Variants in PDE4B observed in about 807,000 individuals in gnomAD.
The protein encoded by PDE4B is phosphodiesterase 4B, also known as 3',5'-cyclic-AMP phosphodiesterase 4B.
A neutral mutation model predicts 82.2 loss-of-function variants in PDE4B; 20 were observed. The ratio of observed to expected loss-of-function variants is 0.24; its 90% confidence interval spans 0.17 to 0.35. The LOEUF (loss-of-function observed/expected upper bound fraction) is 0.35. Ranked by LOEUF, PDE4B falls within the 10% of genes least tolerant of loss-of-function variation. The pLI, the probability that PDE4B is intolerant of heterozygous loss-of-function variation, is 1.00. For synonymous variants in PDE4B, 320 were observed against 318.9 expected, an observed-to-expected ratio of 1.00 and a Z score of -0.04; for missense variants, 655 against 907.2, an observed-to-expected ratio of 0.72 and a Z score of 3.57.
chr1:66,215,064 G>T (rs1650348094), intron 3 of PDE4B, among the ~76,000 whole-genome samples: 1 of 152,064 alleles, frequency 6.6e-6, no homozygotes, highest in South Asian at 2.1e-4. Flanking sequence ...GACAGGTGAG[G>T]GAAAGTTTAG....
intron 1 of PDE4B, among the ~76,000 whole-genome samples, chr1:65,865,651 T>C (rs1454934303): frequency 6.6e-6 from 1 of 152,132 alleles, no homozygotes; most frequent in Non-Finnish European, 1.5e-5. Context: ...CCCTGGCTGT[T>C]TGCATTTCCC....
intron 1 of PDE4B, among the ~76,000 whole-genome samples, chr1:65,857,889 CTTT>C: frequency 6.9e-6 from 1 of 144,418 alleles, no homozygotes; most frequent in African/African-American, 2.5e-5. Context: ...ATCTTGACTC[CTTT>C]TTTTTTTTTT....
intron 1 of PDE4B, among the ~76,000 whole-genome samples, chr1:65,846,440 A>G (rs770064459): frequency 1.3e-5 from 2 of 152,240 alleles, no homozygotes; most frequent in Non-Finnish European, 2.9e-5. Context: ...ATGTTTGGAG[A>G]CAAAGAAATA....
At chr1:66,132,463 G>A (rs536382949) in intron 3 of PDE4B, among the ~76,000 whole-genome samples, 2 of 152,248 alleles carry the variant, frequency 1.3e-5, no homozygotes, top group East Asian at 1.9e-4. Context: ...TTCGTGCTCC[G>A]TATTTTGTGA....
At chr1:65,986,800 T>C (rs1345894749) in intron 3 of PDE4B, among the ~76,000 whole-genome samples, 3 of 152,112 alleles carry the variant, frequency 2.0e-5, no homozygotes, top group African/African-American at 7.2e-5. Context: ...AAACAAGTAA[T>C]TAATATTATA....
intron 3 of PDE4B, among the ~76,000 whole-genome samples, chr1:66,103,380 C>A (rs1422314423): frequency 6.6e-6 from 1 of 152,054 alleles, no homozygotes; most frequent in African/African-American, 2.4e-5. Context: ...CTTCAGATTT[C>A]TTTTTCTTAT....
chr1:66,319,738 G>T (rs748362950), intron 7 of PDE4B, among the ~76,000 whole-genome samples: 4 of 152,144 alleles, frequency 2.6e-5, no homozygotes, highest in Non-Finnish European at 5.9e-5. Context: ...TACCTCTCTC[G>T]AAAGGTAGAT....
intron 3 of PDE4B, among the ~76,000 whole-genome samples, chr1:66,231,382 C>T (rs185202851): frequency 3.6e-4 from 55 of 152,108 alleles, no homozygotes; most frequent in African/African-American, 1.2e-3. Context: ...TGTTTTGATT[C>T]AACTGAGTAA....
chr1:65,968,179 T>C (rs1425134463), intron 3 of PDE4B, among the ~76,000 whole-genome samples: 1 of 152,128 alleles, frequency 6.6e-6, no homozygotes, highest in Non-Finnish European at 1.5e-5. Flanking sequence ...CGCCAGCTCT[T>C]CTGTTAACTC....
At chr1:66,360,598 T>C (rs2102025323) in intron 9 of PDE4B, 1 of 152,338 alleles carries the variant, frequency 6.6e-6, no homozygotes, top group South Asian at 2.1e-4. Context: ...TGTCATTTAG[T>C]TCAATAAAGT....
intron 3 of PDE4B, among the ~76,000 whole-genome samples, chr1:65,924,186 T>TGCCTCA (rs1464611052): frequency 7.3e-6 from 1 of 136,814 alleles, no homozygotes; most frequent in African/African-American, 2.7e-5. Flanking sequence ...GCCATTCTCC[T>TGCCTCA]GCCTCAGCCT....
intron 3 of PDE4B, among the ~76,000 whole-genome samples, chr1:65,928,922 C>A (rs1444166011): frequency 6.6e-6 from 1 of 152,194 alleles, no homozygotes; most frequent in African/African-American, 2.4e-5. Flanking sequence ...ATGTAGTGGG[C>A]CCAAATTAAT....
chr1:66,286,405 A>C (rs149035596), intron 7 of PDE4B, among the ~76,000 whole-genome samples: 84 of 152,264 alleles, frequency 5.5e-4, no homozygotes, highest in Middle Eastern at 3.4e-3. Flanking sequence ...GCCTTGGCAG[A>C]TGCAGGACTA....
At chr1:66,119,340 A>C (rs1645661569) in intron 3 of PDE4B, among the ~76,000 whole-genome samples, 1 of 152,206 alleles carries the variant, frequency 6.6e-6, no homozygotes, top group Non-Finnish European at 1.5e-5. Flanking sequence ...CGTTACATTG[A>C]GTCTTGTAGA....
At chr1:66,267,763 C>T (rs1469626430) in intron 7 of PDE4B, among the ~76,000 whole-genome samples, 3 of 152,098 alleles carry the variant, frequency 2.0e-5, no homozygotes, top group African/African-American at 7.2e-5. Flanking sequence ...CCAATTACTA[C>T]GTAATTACGG....
chr1:65,829,250 A>AT (rs1434134388), intron 1 of PDE4B, among the ~76,000 whole-genome samples: 1 of 152,202 alleles, frequency 6.6e-6, no homozygotes, highest in African/African-American at 2.4e-5. Flanking sequence ...AATGGAGCAA[A>AT]TTATCCAAGA....
chr1:65,848,834 G>A (rs1019664534), intron 1 of PDE4B, among the ~76,000 whole-genome samples: 1 of 152,076 alleles, frequency 6.6e-6, no homozygotes, highest in African/African-American at 2.4e-5. Context: ...TATGAATAAA[G>A]CTACTCTCAA....
intron 3 of PDE4B, among the ~76,000 whole-genome samples, chr1:66,008,898 C>T (rs982903221): frequency 1.3e-5 from 2 of 152,054 alleles, no homozygotes; most frequent in African/African-American, 4.8e-5. Context: ...GGGTTGTGGA[C>T]CTCTTCATTT....
chr1:65,949,880 C>T (rs972914072), intron 3 of PDE4B, among the ~76,000 whole-genome samples: 3 of 151,862 alleles, frequency 2.0e-5, no homozygotes, highest in Non-Finnish European at 2.9e-5. Flanking sequence ...TTAACTGTGT[C>T]GATACAGATA....
Sources: gnomAD v4.1 joint callset for allele counts (sites outside exome capture counted in the v4.1 genomes callset) on GRCh38, gnomAD v4.1.1 for gene constraint, MANE v1.5 for transcripts, NCBI Gene and HGNC (gene_info 2026-07-23, HGNC 2026-07-21) for gene names.